Variants in EED observed in about 807,000 individuals in gnomAD.
The protein encoded by EED is embryonic ectoderm development, also known as polycomb protein EED.
EED carries 9 observed loss-of-function variants against 61.0 expected under a neutral mutation model. That is an observed-to-expected ratio of 0.15 (90% confidence interval 0.09 to 0.26). The LOEUF (loss-of-function observed/expected upper bound fraction) is 0.26, where lower values mean the gene tolerates loss of function less well. EED is among the 10% of genes least tolerant of loss of function. The pLI is 1.00. For missense variants in EED, 315 were observed against 542.3 expected, an observed-to-expected ratio of 0.58 and a Z score of 4.16; for synonymous variants, 187 against 174.4, an observed-to-expected ratio of 1.07 and a Z score of -0.57.
chr11:86,250,031 C>G (rs957875786), intron 1 of EED, among the ~76,000 whole-genome samples: 7 of 152,176 alleles, frequency 4.6e-5, no homozygotes, highest in Non-Finnish European at 7.3e-5. Context: ...TGGAACAGAC[C>G]AGTGCCTTAT....
intron 5 of EED, among the ~76,000 whole-genome samples, chr11:86,256,944 T>C (rs1565693159): frequency 6.6e-6 from 1 of 152,196 alleles, no homozygotes; most frequent in Admixed American, 6.5e-5. Context: ...ACTGTTGGGC[T>C]ACATCACACT....
intron 6 of EED, among the ~76,000 whole-genome samples, chr11:86,258,521 T>C (rs1190005697): frequency 6.6e-6 from 1 of 151,676 alleles, no homozygotes; most frequent in Non-Finnish European, 1.5e-5. Flanking sequence ...TTCTAAATAT[T>C]ACAACTTTTT....
In EED at chr11:86,264,163, T is replaced by G; in HGVS notation, c.635-9T>G. 6.2e-7 allele frequency: 1 copy of G among 1,608,614 alleles called. No individual in the cohort carries two copies. Among genetic ancestry groups the G allele is most frequent in the Non-Finnish European group, 8.5e-7 (1 of 1,175,638 alleles). On this transcript the variant is annotated splice_polypyrimidine_tract_variant and intron_variant, in intron 6 of 11. Transcript: ENST00000263360. ...AAACATTCGCCTAATTTTTGTATGT[T>G]TATACTAGATCATGCTTTACGATTA...
chr11:86,278,285 T>TA lies in EED; in HGVS notation c.1200-112dup, dbSNP rs769177549. 2.1e-6 allele frequency: 3 copies of TA among 1,458,038 alleles called. No homozygotes were observed. In the South Asian group the frequency reaches 4.9e-5, roughly 24 times the overall value. 90.3% of individuals were successfully genotyped at this position (1,458,038 alleles called of 1,614,324 possible). On this transcript the variant is annotated intron_variant, in intron 11 of 11. Coordinates refer to ENST00000263360, the MANE Select transcript of EED (RefSeq NM_003797.5). ...CTCTTAGTGAAGTATATTCTGGTTT[T>TA]AAGTGCTTTTCGTATGACTTGGAAC... is the stretch of plus-strand genomic sequence containing the variant.
chr11:86,286,070 G>A, the EED span, among the ~76,000 whole-genome samples: 2 of 151,996 alleles, frequency 1.3e-5, no homozygotes, highest in African/African-American at 4.8e-5. Context: ...TCGCTCTGTC[G>A]CCCAGGCTGG....
chr11:86,251,951 T>G (rs549088324), intron 2 of EED, among the ~76,000 whole-genome samples, 197 bp from the exon 3 acceptor site: 2 of 152,336 alleles, frequency 1.3e-5, no homozygotes, highest in South Asian at 4.1e-4. Flanking sequence ...TGATAAAACT[T>G]TATCATACAC....
At chr11:86,281,255 A>T (rs936409174), downstream of EED, among the ~76,000 whole-genome samples, 1 of 152,198 alleles carries the variant, frequency 6.6e-6, no homozygotes, top group African/African-American at 2.4e-5. Context: ...TTTAATAGAA[A>T]CAGAAAAGTG....
At position 86,245,196 on chromosome 11, in the gene EED, C is replaced by A; in HGVS notation, c.-34C>A. ...CGGCGGTGTGGCGGAGGCCCCGCCC[C>A]AGGCGGCAGGAACCTGGAGGGAGGC... On this transcript the variant is annotated 5_prime_UTR_variant, in exon 1 of 12. Coordinates refer to ENST00000263360, the MANE Select transcript of EED (RefSeq NM_003797.5). The A allele has an allele frequency of 6.3e-7, 1 of 1,586,146 alleles. No homozygotes were observed.
In EED at chr11:86,261,659, G is replaced by A. The variant is rs757775602; in HGVS notation, c.635-2513G>A. 3.9e-5 allele frequency among the ~76,000 whole-genome samples: 6 copies of A among 152,212 alleles called. No homozygotes were observed. In the South Asian group the frequency reaches 6.2e-4, roughly 16 times the overall value. Reference sequence around the variant, plus strand: ...TCTTTTGAAATCTAGAGAGGAAGCCGTGCCTCCACAGTTCCTGCATTCTCT... The same window carrying A: ...TCTTTTGAAATCTAGAGAGGAAGCCATGCCTCCACAGTTCCTGCATTCTCT... On this transcript the variant is annotated intron_variant, in intron 6 of 11. Transcript: ENST00000263360.
chr11:86,284,260 GT>G, the EED span: 1 of 152,284 alleles, frequency 6.6e-6, no homozygotes, highest in Non-Finnish European at 1.5e-5. Context: ...CCTGGGTTTT[GT>G]TTTTGGACAA....
chr11:86,286,075 G>T, the EED span, among the ~76,000 whole-genome samples: 1 of 152,038 alleles, frequency 6.6e-6, no homozygotes, highest in Non-Finnish European at 1.5e-5. Flanking sequence ...CTGTCGCCCA[G>T]GCTGGAATGC....
intron 9 of EED, among the ~76,000 whole-genome samples, chr11:86,274,167 C>A (rs1440310257): frequency 1.3e-5 from 2 of 150,660 alleles, no homozygotes; most frequent in African/African-American, 2.4e-5. Context: ...TGACTCTTGA[C>A]CCTCTTCTCT....
chr11:86,280,555 A>T (rs191771519), downstream of EED, among the ~76,000 whole-genome samples: 1 of 152,336 alleles, frequency 6.6e-6, no homozygotes, highest in East Asian at 1.9e-4. Context: ...ATATCAGGAA[A>T]TGGAAATCAA....
intron 1 of EED, among the ~76,000 whole-genome samples, chr11:86,249,512 TCTGAGATTAGAGAG>T (rs1252923834): frequency 3.3e-5 from 5 of 152,278 alleles, no homozygotes; most frequent in African/African-American, 4.8e-5. Context: ...GGAATCCTCT[TCTGAGATTAGAGAG>T]CTGAGATTAG....
chr11:86,259,121 G>A (rs538848270), intron 6 of EED, among the ~76,000 whole-genome samples: 39 of 151,716 alleles, frequency 2.6e-4, no homozygotes, highest in African/African-American at 8.5e-4. Flanking sequence ...ACCCGCATCG[G>A]CCTCCCAAAG....
intron 9 of EED, 33 bp downstream of exon 9, chr11:86,268,594 CGTGTGTGTGT>C (rs71040225): frequency 3.3e-5 from 27 of 820,608 alleles, no homozygotes; most frequent in African/African-American, 1.7e-4. Flanking sequence ...GTACTTCCAT[CGTGTGTGTGT>C]GTGTGTGTGT....
chr11:86,268,684 A>G (rs1354594079), intron 9 of EED, 123 bp downstream of exon 9: 6 of 552,588 alleles, frequency 1.1e-5, no homozygotes, highest in Non-Finnish European at 1.8e-5. Context: ...TATTAAATTG[A>G]ATGGCAGCTG....
chr11:86,279,675 G>A (rs571594627), downstream of EED, among the ~76,000 whole-genome samples: 52 of 152,262 alleles, frequency 3.4e-4, 2 homozygotes, highest in South Asian at 0.011. Flanking sequence ...CTATAAATAT[G>A]TATATTTTTA....
At chr11:86,276,097 G>T (rs1946221514) in intron 9 of EED, 2 of 152,012 alleles carry the variant, frequency 1.3e-5, no homozygotes, top group South Asian at 4.1e-4. Flanking sequence ...TTTTTTTGTA[G>T]GGGGTTTCCT....
Sources: allele counts gnomAD v4.1 joint callset (sites outside exome capture counted in the v4.1 genomes callset), GRCh38; gene constraint gnomAD v4.1.1; transcripts MANE v1.5; gene names NCBI Gene and HGNC (gene_info 2026-07-23, HGNC 2026-07-21).